Variants in ERC1 observed in about 807,000 individuals in gnomAD.
ERC1 encodes the protein ELKS/RAB6-interacting/CAST family member 1, also known as RAB6 interacting protein 2.
In ERC1, 56 loss-of-function variants were observed where a neutral mutation model predicts 132.0. That is an observed-to-expected ratio of 0.42 (90% confidence interval 0.34 to 0.53). The LOEUF (loss-of-function observed/expected upper bound fraction) is 0.53. Ranked by LOEUF, ERC1 falls within the 20% of genes least tolerant of loss-of-function variation. The probability of loss-of-function intolerance (pLI) is 0.03; values close to 1 mark genes in which losing one functional copy is unlikely to be tolerated. For synonymous variants in ERC1, 478 were observed against 476.1 expected, an observed-to-expected ratio of 1.00 and a Z score of -0.05; for missense variants, 1,202 against 1,349.9, an observed-to-expected ratio of 0.89 and a Z score of 1.72.
chr12:1,464,402 T>G (rs921997462), intron 18 of ERC1, among the ~76,000 whole-genome samples: 1 of 151,940 alleles, frequency 6.6e-6, no homozygotes, highest in Non-Finnish European at 1.5e-5. Flanking sequence ...TCCTTATTAC[T>G]GGTACCTACC....
chr12:1,306,499 C>A (rs2080894053), intron 15 of ERC1, among the ~76,000 whole-genome samples: 1 of 152,160 alleles, frequency 6.6e-6, no homozygotes, highest in Non-Finnish European at 1.5e-5. Flanking sequence ...CTTTTTATTT[C>A]TAGGTCTGAT....
chr12:1,328,588 C>T (rs914365419), intron 15 of ERC1, among the ~76,000 whole-genome samples: 15 of 152,276 alleles, frequency 9.9e-5, no homozygotes, highest in African/African-American at 2.9e-4. Context: ...TTGTACGCCA[C>T]GCCCATGTGA....
chr12:1,396,518 G>T (rs1431475314), intron 16 of ERC1, among the ~76,000 whole-genome samples: 1 of 152,150 alleles, frequency 6.6e-6, no homozygotes, highest in African/African-American at 2.4e-5. Context: ...CAAATCTATT[G>T]GAAGAAAAGA....
chr12:1,009,852 A>AT (rs1964390376), intron 1 of ERC1, among the ~76,000 whole-genome samples: 1 of 152,180 alleles, frequency 6.6e-6, no homozygotes, highest in Non-Finnish European at 1.5e-5. Flanking sequence ...AAAAGGTTTG[A>AT]TTTTTATAAA....
chr12:1,166,034 T>C (rs1278965916), intron 8 of ERC1, among the ~76,000 whole-genome samples: 2 of 152,198 alleles, frequency 1.3e-5, no homozygotes, highest in Non-Finnish European at 2.9e-5. Flanking sequence ...TGTGAACTTT[T>C]GAGCTAATGC....
chr12:1,146,645 G>GT (rs1376004548), intron 8 of ERC1, among the ~76,000 whole-genome samples: 1 of 145,680 alleles, frequency 6.9e-6, no homozygotes, highest in Non-Finnish European at 1.5e-5. Flanking sequence ...TTATTATACT[G>GT]TAAGTTCTAG....
chr12:1,354,668 C>T (rs182779743), intron 15 of ERC1, among the ~76,000 whole-genome samples: 37 of 152,244 alleles, frequency 2.4e-4, no homozygotes, highest in Admixed American at 3.9e-4. Flanking sequence ...TGGGTCAGGG[C>T]GCAACAGAGC....
chr12:1,148,949 C>G (rs552387920), intron 8 of ERC1, among the ~76,000 whole-genome samples: 1 of 152,208 alleles, frequency 6.6e-6, no homozygotes, highest in African/African-American at 2.4e-5. Flanking sequence ...ATTTTCAGTG[C>G]TTAGATCCTT....
At position 1,445,439 on chromosome 12, in the gene ERC1, G is replaced by A. The variant is rs112510042; in HGVS notation, c.3213+689G>A. On this transcript the variant is annotated intron_variant, in intron 18 of 18. Coordinates refer to ENST00000360905, the MANE Select transcript of ERC1 (RefSeq NM_178040.4). ...AGAGATGGGGTTTCACCAAGCTGGC[G>A]AGGCTGGTCTCGAACTCCTGACCTC... 7.7e-3 allele frequency among the ~76,000 whole-genome samples: 1,163 copies of A among 151,916 alleles called. 8 individuals carry two copies. The highest frequency in any genetic ancestry group is 0.019 in the African/African-American group (781 of 41,440).
chr12:1,062,871 T>C (rs1040255822), intron 2 of ERC1, among the ~76,000 whole-genome samples: 1 of 152,238 alleles, frequency 6.6e-6, no homozygotes, highest in African/African-American at 2.4e-5. Flanking sequence ...ATTTGCTTTA[T>C]AGCTGGGTGC....
intron 15 of ERC1, among the ~76,000 whole-genome samples, chr12:1,323,016 CTCT>C (rs2082213049): frequency 6.6e-6 from 1 of 152,124 alleles, no homozygotes; most frequent in African/African-American, 2.4e-5. Flanking sequence ...TGTTTCATCT[CTCT>C]TCTTATTGCC....
rs75579146 is a variant in ERC1, at chr12:1,494,049, C to T, written c.*3819C>T. On this transcript the variant is annotated 3_prime_UTR_variant, in exon 19 of 19. Coordinates refer to ENST00000360905, the MANE Select transcript of ERC1 (RefSeq NM_178040.4). ...TGACCATGTTACTTGAGTGTAGGCC[C>T]GGTGTCAAGACCCTCAGAGTCTTTG... 4.2e-3 allele frequency: 977 copies of T among 231,292 alleles called. 10 individuals are homozygous for T. The highest frequency in any genetic ancestry group is 0.019 in the African/African-American group (846 of 44,998). The allele number at this position is 231,292 out of a possible 1,614,324, so 14.3% of individuals were successfully genotyped here.
rs1205134739 is a variant in ERC1 at position 1,444,562 on chromosome 12, A to G, written c.3025A>G (p.Ile1009Val). The G allele has an allele frequency of 2.5e-6, 4 of 1,595,104 alleles. No individual in the cohort carries two copies. Among genetic ancestry groups the G allele is most frequent in the Non-Finnish European group, 3.4e-6 (4 of 1,171,370 alleles). The change falls in exon 18 of 19, where the codon ATC (isoleucine) becomes GTC (valine). Residue 1009 changes from isoleucine to valine, a missense_variant and splice_region_variant. By Grantham distance (29) the Ile-to-Val change is conservative. Transcript: ENST00000360905. ...ATTTTATTTTATTTTTTTGCCTTAG[A>G]TCATCCAGCCCCTCTTAGAACTTGA... ...QTNHKPSPDQ[I>V]IQPLLELDQN...
intron 15 of ERC1, among the ~76,000 whole-genome samples, chr12:1,365,683 T>C (rs1566687645): frequency 6.6e-6 from 1 of 152,186 alleles, no homozygotes; most frequent in Non-Finnish European, 1.5e-5. Flanking sequence ...GCTTAAGCAG[T>C]TTAGGCTAAT....
At chr12:1,427,027 C>G (rs973598733) in intron 17 of ERC1, among the ~76,000 whole-genome samples, 1 of 152,032 alleles carries the variant, frequency 6.6e-6, no homozygotes, top group Non-Finnish European at 1.5e-5. Flanking sequence ...ATACTTTATT[C>G]TTAACTAGAA....
intron 2 of ERC1, among the ~76,000 whole-genome samples, 187 bp downstream of exon 2, chr12:1,028,759 C>G (rs1047030883): frequency 2.0e-5 from 3 of 151,858 alleles, no homozygotes; most frequent in Non-Finnish European, 2.9e-5. Context: ...CTGTTTTCTT[C>G]TAGCTGCCCA....
intron 12 of ERC1, among the ~76,000 whole-genome samples, chr12:1,211,813 A>G (rs1268290971): frequency 6.6e-6 from 1 of 151,088 alleles, no homozygotes; most frequent in Non-Finnish European, 1.5e-5. Context: ...GAGGTGATCC[A>G]CCATCCTTGG....
At chr12:1,168,172 G>A (rs553008206) in intron 8 of ERC1, among the ~76,000 whole-genome samples, 63 of 152,164 alleles carry the variant, frequency 4.1e-4, no homozygotes, top group African/African-American at 1.4e-3. Context: ...CCAGGCTGCC[G>A]TGTAGTGGTG....
At chr12:1,232,741 G>C (rs1334224973) in intron 12 of ERC1, among the ~76,000 whole-genome samples, 1 of 151,266 alleles carries the variant, frequency 6.6e-6, no homozygotes, top group Non-Finnish European at 1.5e-5. Context: ...TTTGTTTCTG[G>C]GTTCTCTTGA....
Sources: gnomAD v4.1 joint callset for allele counts (sites outside exome capture counted in the v4.1 genomes callset) on GRCh38, gnomAD v4.1.1 for gene constraint, MANE v1.5 for transcripts, NCBI Gene and HGNC (gene_info 2026-07-23, HGNC 2026-07-21) for gene names.